EPM2A: variants seen among roughly 807,000 people sequenced by gnomAD.
EPM2A encodes the protein laforin.
A neutral mutation model predicts 26.5 loss-of-function variants in EPM2A; 21 were observed. The observed-to-expected ratio is 0.79, with a 90% confidence interval of 0.56 to 1.14. The LOEUF (loss-of-function observed/expected upper bound fraction) is 1.14. Among genes scored for constraint, EPM2A ranks in the 50% most tolerant of loss-of-function variants. The pLI is 0.00. For synonymous variants in EPM2A, 217 were observed against 177.6 expected, an observed-to-expected ratio of 1.22 and a Z score of -1.76; for missense variants, 458 against 440.8, an observed-to-expected ratio of 1.04 and a Z score of -0.35.
At chr6:145,656,639 A>C (rs1164427879) in intron 2 of EPM2A, among the ~76,000 whole-genome samples, 4 of 152,240 alleles carry the variant, frequency 2.6e-5, no homozygotes, top group Admixed American at 2.0e-4. Flanking sequence ...GATCAATATC[A>C]GGTTTTGGCA....
chr6:145,668,259 T>C (rs555635852), intron 2 of EPM2A, among the ~76,000 whole-genome samples: 288 of 151,830 alleles, frequency 1.9e-3, no homozygotes, highest in African/African-American at 6.6e-3. Flanking sequence ...ATCTGCAATC[T>C]AAGAAAAAAA....
chr6:145,520,206 C>A (rs896619894), intron 2 of EPM2A, among the ~76,000 whole-genome samples: 2 of 152,140 alleles, frequency 1.3e-5, no homozygotes, highest in African/African-American at 4.8e-5. Flanking sequence ...TAATTAAAAT[C>A]TTAAAATATC....
chr6:145,592,969 TA>T (rs1781294896), intron 2 of EPM2A, among the ~76,000 whole-genome samples: 1 of 152,088 alleles, frequency 6.6e-6, no homozygotes, highest in East Asian at 1.9e-4. Flanking sequence ...ATAATCACTT[TA>T]AATATAAATA....
Position 145,578,967 on chromosome 6 carries a change from C to A in EPM2A, c.340+56278G>T, listed in dbSNP as rs553960742. ...ATTGAACAATGAGAACATATGGACACAGGAAGGGGAACATCACACACCGGG... is the reference window on the plus strand; with the variant it reads ...ATTGAACAATGAGAACATATGGACAAAGGAAGGGGAACATCACACACCGGG... On this transcript the variant is annotated intron_variant, in intron 2 of 3. Transcript: ENST00000450221. 5.3e-5 allele frequency among the ~76,000 whole-genome samples: 8 copies of A among 151,140 alleles called. No homozygotes were observed. In the East Asian group the frequency reaches 1.6e-3, roughly 30 times the overall value.
At chr6:145,458,650 TCTA>T (rs1779292377) in intron 4 of EPM2A, among the ~76,000 whole-genome samples, 1 of 152,106 alleles carries the variant, frequency 6.6e-6, no homozygotes, top group African/African-American at 2.4e-5. Context: ...ATGGGAGTCA[TCTA>T]ATTTCACAGG....
intron 4 of EPM2A, among the ~76,000 whole-genome samples, chr6:145,412,054 A>G (rs1328835043): frequency 6.6e-6 from 1 of 152,016 alleles, no homozygotes; most frequent in Admixed American, 6.6e-5. Flanking sequence ...CGTCTCTACT[A>G]AAAGTACAAA....
intron 4 of EPM2A, among the ~76,000 whole-genome samples, chr6:145,435,091 C>A (rs996755258): frequency 2.0e-5 from 3 of 152,178 alleles, no homozygotes; most frequent in South Asian, 4.1e-4. Flanking sequence ...TGGCCCCATG[C>A]TTGTACAGCC....
intron 1 of EPM2A, among the ~76,000 whole-genome samples, chr6:145,725,147 GAACA>G (rs77390748): frequency 0.54 from 82,162 of 151,178 alleles, 22,825 homozygotes; most frequent in East Asian, 0.74. Flanking sequence ...GAAAAGATCT[GAACA>G]GACACCCAAA....
intron 1 of EPM2A, among the ~76,000 whole-genome samples, chr6:145,720,731 C>G (rs924421088): frequency 6.6e-6 from 1 of 152,118 alleles, no homozygotes; most frequent in Non-Finnish European, 1.5e-5. Flanking sequence ...CTAACTTCTT[C>G]CTAACATACA....
intron 4 of EPM2A, among the ~76,000 whole-genome samples, chr6:145,412,143 G>A (rs941461975): frequency 3.3e-5 from 5 of 151,368 alleles, no homozygotes; most frequent in African/African-American, 1.2e-4. Flanking sequence ...CTTGAACCTG[G>A]GAGGCAGGGG....
At position 145,534,578 on chromosome 6, in the gene EPM2A, G is replaced by T. The variant is rs9497340; in HGVS notation, c.341-32003C>A. Among the ~76,000 whole-genome samples the T allele has an allele frequency of 5.3e-3, 801 of 152,286 alleles. 4 individuals are homozygous for T. Among genetic ancestry groups the T allele is most frequent in the African/African-American group, 0.018 (767 of 41,568 alleles). On this transcript the variant is annotated intron_variant, in intron 2 of 3. Coordinates refer to the EPM2A transcript ENST00000450221. ...TCCACATGTATCTATGCAATGAAAG[G>T]TTCAGTCAATGCAAGCACGGGGGCC...
At chr6:145,632,062 T>C (rs182078544) in intron 3 of EPM2A, 2 of 152,350 alleles carry the variant, frequency 1.3e-5, no homozygotes, top group East Asian at 1.9e-4. Flanking sequence ...ATTCCAACTT[T>C]GTGATTTTCA....
chr6:145,640,266 G>T (rs1562431090), intron 2 of EPM2A: 1 of 152,170 alleles, frequency 6.6e-6, no homozygotes. Flanking sequence ...AAGACAAAAG[G>T]TATTGGGAGA....
intron 1 of EPM2A, among the ~76,000 whole-genome samples, chr6:145,726,985 C>A (rs1044385288): frequency 2.0e-5 from 3 of 152,172 alleles, no homozygotes; most frequent in African/African-American, 7.2e-5. Flanking sequence ...TATAAGAACA[C>A]TCTGTACCGT....
chr6:145,419,012 GGCCTTTGGTTCTATTTCC>G (rs1646066684), intron 4 of EPM2A, among the ~76,000 whole-genome samples: 1 of 152,164 alleles, frequency 6.6e-6, no homozygotes, highest in Non-Finnish European at 1.5e-5. Flanking sequence ...GCGAGTCAGA[GGCCTTTGGTTCTATTTCC>G]AGTTCCACTA....
At chr6:145,423,108 C>A (rs749778002) in intron 4 of EPM2A, among the ~76,000 whole-genome samples, 2 of 152,044 alleles carry the variant, frequency 1.3e-5, no homozygotes, top group Non-Finnish European at 2.9e-5. Context: ...ACCCTCAACA[C>A]CTTTCCTTTT....
chr6:145,512,916 C>A (rs1368585133), intron 2 of EPM2A, among the ~76,000 whole-genome samples: 1 of 151,808 alleles, frequency 6.6e-6, no homozygotes, highest in Non-Finnish European at 1.5e-5. Context: ...AAAATTAACT[C>A]AAGATGTATT....
In EPM2A at chr6:145,424,850, T is replaced by C. The variant is rs183955171; in HGVS notation, c.556-40753A>G. The stretch of plus-strand genomic sequence containing the variant: ...ACTGAATCTGCTGAAACCTTGATCA[T>C]AGATTTCCTAGTAACCCCCTAGAAC... On this transcript the variant is annotated intron_variant, in intron 4 of 4. Transcript: ENST00000638717. Among the ~76,000 whole-genome samples, 207 of 152,312 alleles carry C rather than the reference T, an allele frequency of 1.4e-3. 1 individual carries two copies. The highest frequency in any genetic ancestry group is 4.6e-3 in the African/African-American group (191 of 41,570).
At chr6:145,436,355 A>G (rs1778988474) in intron 4 of EPM2A, among the ~76,000 whole-genome samples, 2 of 152,158 alleles carry the variant, frequency 1.3e-5, no homozygotes, top group South Asian at 4.1e-4. Flanking sequence ...TTAGATATAT[A>G]TCTAGGAATG....
Sources: gnomAD v4.1 joint callset for allele counts (sites outside exome capture counted in the v4.1 genomes callset) on GRCh38, gnomAD v4.1.1 for gene constraint, MANE v1.5 for transcripts, NCBI Gene and HGNC (gene_info 2026-07-23, HGNC 2026-07-21) for gene names.